Variants in PRPSAP1 observed in about 807,000 individuals in gnomAD.
PRPSAP1 encodes phosphoribosyl pyrophosphate synthase-associated protein 1.
In PRPSAP1, 31 loss-of-function variants were observed where a neutral mutation model predicts 39.4. The observed-to-expected ratio is 0.79, with a 90% CI of 0.59 to 1.06. The LOEUF is 1.06. Ranked by LOEUF, PRPSAP1 falls within the 50% of genes least tolerant of loss-of-function variation. The pLI is 0.00. For synonymous variants in PRPSAP1, 212 were observed against 192.6 expected (o/e 1.10, Z -0.83); for missense variants, 430 against 511.6 (o/e 0.84, Z 1.54).
intron 3 of PRPSAP1, among the ~76,000 whole-genome samples, chr17:76,342,966 G>C (rs896113730): frequency 7.9e-5 from 12 of 152,026 alleles, no homozygotes; most frequent in African/African-American, 2.9e-4. Context: ...TGTAATCCCA[G>C]ATACTCGGGA....
intron 7 of PRPSAP1, among the ~76,000 whole-genome samples, chr17:76,318,035 T>TAA (rs1351629199): frequency 6.6e-6 from 1 of 152,166 alleles, no homozygotes; most frequent in Non-Finnish European, 1.5e-5. Context: ...TCCTGGCCTT[T>TAA]ACCTACAAGA....
At chr17:76,343,558 G>A (rs2071462942) in intron 3 of PRPSAP1, among the ~76,000 whole-genome samples, 1 of 152,220 alleles carries the variant, frequency 6.6e-6, no homozygotes, top group Non-Finnish European at 1.5e-5. Context: ...TAAAGCTTGG[G>A]GAGTGGTGGC....
chr17:76,317,653 G>A (rs1216540973), intron 7 of PRPSAP1, among the ~76,000 whole-genome samples: 1 of 152,348 alleles, frequency 6.6e-6, no homozygotes, highest in South Asian at 2.1e-4. Context: ...ACATGCTCAA[G>A]AGGTGCCAAT....
chr17:76,329,074 A>ATTTT, intron 6 of PRPSAP1: 3 of 360,160 alleles, frequency 8.3e-6, no homozygotes, highest in Non-Finnish European at 9.5e-6. Context: ...GATTCTAGAC[A>ATTTT]TTTTTTTTTT....
intron 3 of PRPSAP1, among the ~76,000 whole-genome samples, chr17:76,341,918 G>A (rs1170048528): frequency 1.3e-5 from 2 of 152,078 alleles, no homozygotes; most frequent in South Asian, 2.1e-4. Context: ...CAGCCTGGGC[G>A]ACAGAGTGAG....
intron 7 of PRPSAP1, among the ~76,000 whole-genome samples, chr17:76,328,097 G>A (rs79654414): frequency 1.3e-5 from 2 of 151,340 alleles, no homozygotes; most frequent in African/African-American, 4.9e-5. Flanking sequence ...CCCAGGAGGC[G>A]GAGGTGGGAG....
intron 7 of PRPSAP1, among the ~76,000 whole-genome samples, chr17:76,327,145 C>T (rs2071263656): frequency 6.8e-6 from 1 of 146,582 alleles, no homozygotes. Flanking sequence ...GTTAGCAGCT[C>T]GAGACCAGCC....
intron 2 of PRPSAP1, among the ~76,000 whole-genome samples, chr17:76,347,544 A>G (rs1018491853): frequency 1.3e-5 from 2 of 149,792 alleles, no homozygotes; most frequent in Non-Finnish European, 3.0e-5. Context: ...AAAGAGAGAG[A>G]CAGGAGGTCA....
chr17:76,315,075 C>G (rs2071108711), intron 7 of PRPSAP1, among the ~76,000 whole-genome samples: 1 of 152,214 alleles, frequency 6.6e-6, no homozygotes. Context: ...AACTTGAAGA[C>G]AATAACTCCA....
chr17:76,342,101 T>A (rs1332337608), intron 3 of PRPSAP1, among the ~76,000 whole-genome samples: 1 of 152,050 alleles, frequency 6.6e-6, no homozygotes, highest in Non-Finnish European at 1.5e-5. Flanking sequence ...GCATGGACCC[T>A]CACAACCAGA....
At chr17:76,348,159 A>AT (rs1346261094) in intron 2 of PRPSAP1, among the ~76,000 whole-genome samples, 3 of 149,764 alleles carry the variant, frequency 2.0e-5, no homozygotes, top group African/African-American at 7.5e-5. Context: ...CCATCTTAAT[A>AT]AAAATAAATA....
At chr17:76,332,588 G>C (rs2071334445) in intron 3 of PRPSAP1, among the ~76,000 whole-genome samples, 153 bp from the exon 4 acceptor site, 1 of 152,148 alleles carries the variant, frequency 6.6e-6, no homozygotes. Flanking sequence ...TGAAGGCAGG[G>C]GAAGCTTTCT....
In PRPSAP1 at chr17:76,311,441, G is replaced by T; in HGVS notation, c.*101C>A. The stretch of plus-strand genomic sequence containing the variant: ...GGCAAAAGAAGATATCTAACTCCAG[G>T]CTGTTTCGAGTCCTCCCTTGCAAGG... On this transcript the variant is annotated 3_prime_UTR_variant, in exon 10 of 10. Coordinates refer to ENST00000446526, the MANE Select transcript of PRPSAP1 (RefSeq NM_002766.3). 7.6e-7 allele frequency: 1 copy of T among 1,310,638 alleles called. No homozygotes were observed. The highest frequency in any genetic ancestry group is 1.0e-6 in the Non-Finnish European group (1 of 967,260). The allele number at this position is 1,310,638 out of a possible 1,614,324, so 81.2% of individuals were successfully genotyped here. A position where few individuals can be genotyped will look rare whatever the true frequency, so the allele number is the denominator to read the frequency against.
chr17:76,351,616 C>T (rs1308609152), intron 1 of PRPSAP1, among the ~76,000 whole-genome samples: 2 of 151,602 alleles, frequency 1.3e-5, no homozygotes, highest in Non-Finnish European at 2.9e-5. Flanking sequence ...GAACTTGGGA[C>T]GTGGAGGTTG....
chr17:76,340,614 C>T (rs771220002), intron 3 of PRPSAP1, among the ~76,000 whole-genome samples: 93 of 149,510 alleles, frequency 6.2e-4, no homozygotes, highest in Non-Finnish European at 1.0e-4. Context: ...TGAACGGCCT[C>T]GCACGGTGGC....
intron 7 of PRPSAP1, among the ~76,000 whole-genome samples, chr17:76,314,903 T>C (rs115172145): frequency 0.025 from 3,790 of 152,278 alleles, 73 homozygotes; most frequent in East Asian, 0.061. Flanking sequence ...GACAGAGACA[T>C]GCAGAAGGAA....
Position 76,314,272 on chromosome 17 carries a change from T to G in PRPSAP1, c.782-381A>C, listed in dbSNP as rs574912246. On this transcript the variant is annotated intron_variant, in intron 7 of 9. Coordinates refer to ENST00000446526, the MANE Select transcript of PRPSAP1 (RefSeq NM_002766.3). ...TTTGCTCTTGTTGCCCAGGCTGGAG[T>G]GCAATGACGCGATCTTGGCTCACTG... 1.2e-4 allele frequency: 28 copies of G among 242,688 alleles called. 1 individual carries two copies. The East Asian group carries it at 3.3e-3, about 29-fold the overall frequency. The allele number at this position is 242,688 out of a possible 1,614,324, so 15.0% of individuals were successfully genotyped here. A position where few individuals can be genotyped will look rare whatever the true frequency, so the allele number is the denominator to read the frequency against.
At chr17:76,345,874 G>A (rs939094382) in intron 2 of PRPSAP1, 1 of 420,968 alleles carries the variant, frequency 2.4e-6, no homozygotes, top group South Asian at 1.9e-5. Flanking sequence ...TGCTAAGGGA[G>A]ATGAGGCCAA....
At chr17:76,339,223 T>C (rs1408764443) in intron 3 of PRPSAP1, among the ~76,000 whole-genome samples, 1 of 150,224 alleles carries the variant, frequency 6.7e-6, no homozygotes, top group South Asian at 2.1e-4. Context: ...TGGTCAACAC[T>C]GTGAAACCCC....
Sources: allele counts gnomAD v4.1 joint callset (sites outside exome capture counted in the v4.1 genomes callset), GRCh38; gene constraint gnomAD v4.1.1; transcripts MANE v1.5; gene names NCBI Gene and HGNC (gene_info 2026-07-23, HGNC 2026-07-21).